The following GATA5 variants were observed in gnomAD, a reference collection of about 807,000 sequenced individuals.
The protein encoded by GATA5 is transcription factor GATA-5.
GATA5 carries 27 observed loss-of-function variants against 35.0 expected under a neutral mutation model. The observed-to-expected ratio is 0.77, with a 90% CI of 0.57 to 1.06. The LOEUF is 1.06. GATA5 is among the 50% of genes least tolerant of loss of function. The pLI is 0.00. For synonymous variants in GATA5, 306 were observed against 267.8 expected (o/e 1.14, Z -1.39); for missense variants, 612 against 580.0 (o/e 1.06, Z -0.57).
intron 5 of GATA5, 72 bp from the exon 6 acceptor site, chr20:62,465,536 G>A (rs1182258313): frequency 3.9e-6 from 6 of 1,542,596 alleles, no homozygotes; most frequent in African/African-American, 1.4e-5. Flanking sequence ...CATGTAGCGG[G>A]TCTCCTCTGG....
chr20:62,465,202 A>G, intron 6 of GATA5, 138 bp downstream of exon 6: 1 of 1,046,266 alleles, frequency 9.6e-7, no homozygotes, highest in African/African-American at 1.6e-5. Context: ...AAGGGCCACC[A>G]TACTGATGGC....
chr20:62,464,668 C>T lies in GATA5; in HGVS notation c.*168G>A. 1.8e-6 allele frequency: 1 copy of T among 550,034 alleles called. No homozygotes were observed. 34.1% of individuals were successfully genotyped at this position (550,034 alleles called of 1,614,324 possible). A position where few individuals can be genotyped will look rare whatever the true frequency, so the allele number is the denominator to read the frequency against. ...GCCTTCTTGCTCTGGGGCCCGACTG[C>T]CGTCTGTCCAGAAGGCCTCCCCACC... On this transcript the variant is annotated 3_prime_UTR_variant, in exon 7 of 7. Transcript: ENST00000252997.
chr20:62,473,061 C>T (rs1989760456), intron 3 of GATA5, among the ~76,000 whole-genome samples: 1 of 152,206 alleles, frequency 6.6e-6, no homozygotes, highest in African/African-American at 2.4e-5. Flanking sequence ...GGGCTGAGCT[C>T]CTGGCTCCTG....
At position 62,475,487 on chromosome 20, in the gene GATA5, C is replaced by T. The variant is rs782050292; in HGVS notation, c.35G>A (p.Arg12His). The T allele has an allele frequency of 2.3e-6, 3 of 1,320,566 alleles. No homozygotes were observed. The highest frequency in any genetic ancestry group is 4.6e-5 in the South Asian group (2 of 43,116). The allele number at this position is 1,320,566 out of a possible 1,614,324, so 81.8% of individuals were successfully genotyped here. A position where few individuals can be genotyped will look rare whatever the true frequency, so the allele number is the denominator to read the frequency against. Reference protein sequence around the residue: ...YQSLALAASPRQAAYADSGSF... With the variant: ...YQSLALAASPHQAAYADSGSF... Reference sequence around the variant, plus strand: ...GCCCGAGTCGGCGTAGGCGGCCTGGCGGGGGCTCGCGGCCAGCGCCAGGCT... The same window carrying T: ...GCCCGAGTCGGCGTAGGCGGCCTGGTGGGGGCTCGCGGCCAGCGCCAGGCT... Residue 12 changes from arginine to histidine, a missense_variant, in exon 2 of 7, where the codon CGC (arginine) becomes CAC (histidine). Coordinates refer to ENST00000252997, the MANE Select transcript of GATA5 (RefSeq NM_080473.5).
At position 62,475,031 on chromosome 20, in the gene GATA5, A is replaced by G; in HGVS notation, c.491T>C (p.Leu164Pro). The G allele has an allele frequency of 7.2e-7, 1 of 1,395,388 alleles. No homozygotes were observed. The highest frequency in any genetic ancestry group is 9.3e-7 in the Non-Finnish European group (1 of 1,069,822). The allele number at this position is 1,395,388 out of a possible 1,614,324, so 86.4% of individuals were successfully genotyped here. The change falls in exon 2 of 7, where the codon CTG becomes CCG. Residue 164 changes from leucine to proline, a missense_variant. Transcript: ENST00000252997. ...GGGCCTGCGGCCTGGGAGGCCGTGC[A>G]GGACGCTGCCATCGAAGGGCCCGGC... is the stretch of plus-strand genomic sequence containing the variant. The part of the protein sequence containing the change: ...WTAGPFDGSV[L>P]HGLPGRRPTF...
chr20:62,469,375 T>G (rs1555896357), intron 3 of GATA5, among the ~76,000 whole-genome samples: 1 of 152,208 alleles, frequency 6.6e-6, no homozygotes, highest in Non-Finnish European at 1.5e-5. Flanking sequence ...GCCTTCAGAC[T>G]GAGGGGCATC....
chr20:62,475,197 C>A lies in GATA5; in HGVS notation c.325G>T (p.Gly109Trp). The A allele has an allele frequency of 7.9e-7, 1 of 1,258,730 alleles. No homozygotes were observed. The allele number at this position is 1,258,730 out of a possible 1,614,324, so 78.0% of individuals were successfully genotyped here. The change falls in exon 2 of 7, where the codon GGG (glycine) becomes TGG (tryptophan). Residue 109 changes from glycine to tryptophan, a missense_variant. Coordinates refer to ENST00000252997, the MANE Select transcript of GATA5 (RefSeq NM_080473.5). Reference sequence around the variant, plus strand: ...TGGTAGGCACTGCCGTCTCGGCCCCCCGCGCTGCCGCCGCTGCCGGGCCCC... The same window carrying A: ...TGGTAGGCACTGCCGTCTCGGCCCCACGCGCTGCCGCCGCTGCCGGGCCCC... Reference protein sequence around the residue: ...PSGPGSGGSAGGRDGSAYQGA... With the variant: ...PSGPGSGGSAWGRDGSAYQGA...
rs1989853648 is a variant in GATA5, at chr20:62,475,981, G to T, written c.-73C>A. Reference sequence around the variant, plus strand: ...CGGCGGTGGCGGTGGGTCGGCGACCGGCGGGCCGAAGACTGGAAGCCCGGG... The same window carrying T: ...CGGCGGTGGCGGTGGGTCGGCGACCTGCGGGCCGAAGACTGGAAGCCCGGG... On this transcript the variant is annotated 5_prime_UTR_variant, in exon 1 of 7. Coordinates refer to ENST00000252997, the MANE Select transcript of GATA5 (RefSeq NM_080473.5). 6.6e-6 allele frequency: 1 copy of T among 151,328 alleles called. No homozygotes were observed. The highest frequency in any genetic ancestry group is 1.5e-5 in the Non-Finnish European group (1 of 67,784). 9.4% of individuals were successfully genotyped at this position (151,328 alleles called of 1,614,324 possible).
At position 62,465,459 on chromosome 20, in the gene GATA5, T is replaced by C; in HGVS notation, c.919A>G (p.Thr307Ala). 1 of 1,607,264 alleles carries C rather than the reference T, an allele frequency of 6.2e-7. No homozygotes were observed. Among genetic ancestry groups the C allele is most frequent in the East Asian group, 2.2e-5 (1 of 44,862 alleles). Residue 307 changes from threonine (T) to alanine (A), a missense_variant, in exon 6 of 7, where the codon ACA becomes GCA. Coordinates refer to ENST00000252997, the MANE Select transcript of GATA5 (RefSeq NM_080473.5). ...IAKARGSSGS[T>A]RNASASPSAV... is the part of the protein sequence containing the mutation. ...GATGGGGAGGCCGAGGCATTCCTTGTGGATCCTGGAAGCGAAGAGGGGGTG... is the reference window on the plus strand; with the variant it reads ...GATGGGGAGGCCGAGGCATTCCTTGCGGATCCTGGAAGCGAAGAGGGGGTG...
intron 6 of GATA5, 121 bp from the exon 7 acceptor site, chr20:62,465,112 G>A (rs1989547605): frequency 2.1e-6 from 2 of 946,788 alleles, no homozygotes; most frequent in Non-Finnish European, 3.1e-6. Flanking sequence ...GGGACCCCCT[G>A]ATGCCCTGGA....
Position 62,463,563 on chromosome 20 carries a change from G to T in GATA5, c.*1273C>A, listed in dbSNP as rs543710803. On this transcript the variant is annotated 3_prime_UTR_variant, in exon 7 of 7. Coordinates refer to ENST00000252997, the MANE Select transcript of GATA5 (RefSeq NM_080473.5). ...TGTCTCTTTTAGAAAAGATGACATC[G>T]CATAGAAGTGGGGCTGGAAGAACCT... The T allele has an allele frequency of 2.0e-5, 3 of 152,110 alleles. No homozygotes were observed. The highest frequency in any genetic ancestry group is 7.2e-5 in the African/African-American group (3 of 41,394). 9.4% of individuals were successfully genotyped at this position (152,110 alleles called of 1,614,324 possible). A position where few individuals can be genotyped will look rare whatever the true frequency, so the allele number is the denominator to read the frequency against.
intron 4 of GATA5, among the ~76,000 whole-genome samples, chr20:62,466,165 G>C (rs1298724949): frequency 6.6e-6 from 1 of 152,236 alleles, no homozygotes; most frequent in East Asian, 1.9e-4. Flanking sequence ...CAGAGGGCAG[G>C]AGCAGTGTCC....
chr20:62,464,609 A>C lies in GATA5; in HGVS notation c.*227T>G. ...CCGCACCTGGGGAGTCCCTTGCTGTACGTGGGGTGGGAAGCTGAGCCCTTC... is the reference window on the plus strand; with the variant it reads ...CCGCACCTGGGGAGTCCCTTGCTGTCCGTGGGGTGGGAAGCTGAGCCCTTC... On this transcript the variant is annotated 3_prime_UTR_variant, in exon 7 of 7. Transcript: ENST00000252997. The C allele has an allele frequency of 2.3e-6, 1 of 436,084 alleles. No homozygotes were observed. The highest frequency in any genetic ancestry group is 4.0e-6 in the Non-Finnish European group (1 of 248,982). 27.0% of individuals were successfully genotyped at this position (436,084 alleles called of 1,614,324 possible). A position where few individuals can be genotyped will look rare whatever the true frequency, so the allele number is the denominator to read the frequency against.
chr20:62,472,108 G>T (rs77315446), intron 3 of GATA5, among the ~76,000 whole-genome samples: 3,764 of 152,126 alleles, frequency 0.025, 162 homozygotes, highest in African/African-American at 0.085. Context: ...CGCCAGGCTG[G>T]AACAGCACAC....
At chr20:62,469,404 C>A (rs1300181603) in intron 3 of GATA5, among the ~76,000 whole-genome samples, 2 of 152,258 alleles carry the variant, frequency 1.3e-5, no homozygotes, top group African/African-American at 2.4e-5. Flanking sequence ...AAGGCCCATC[C>A]TCTTCCCTGA....
rs868917600 is a variant in GATA5 at position 62,470,399 on chromosome 20, C to T, written c.699+3004G>A. ...TGCCGCAGAGTCTGAGCCTTGGGGA[C>T]GGGTGAGTGGCTGGAATGTCTCCAA... On this transcript the variant is annotated intron_variant, in intron 3 of 6. Transcript: ENST00000252997. This position sits in a 1 kb window ranked among gnomAD's most constrained non-coding sequence, Gnocchi z 4.6. 1.4e-4 allele frequency among the ~76,000 whole-genome samples: 21 copies of T among 152,324 alleles called. No individual in the cohort carries two copies. The highest frequency in any genetic ancestry group is 1.4e-3 in the East Asian group (7 of 5,182).
At position 62,473,289 on chromosome 20, in the gene GATA5, T is replaced by G. The variant is rs1989765464; in HGVS notation, c.699+114A>C. 1.3e-5 allele frequency: 16 copies of G among 1,235,490 alleles called. No individual in the cohort carries two copies. In the South Asian group the frequency reaches 1.9e-4, roughly 15 times the overall value. 76.5% of individuals were successfully genotyped at this position (1,235,490 alleles called of 1,614,324 possible). On this transcript the variant is annotated intron_variant, in intron 3 of 6. Transcript: ENST00000252997. Reference sequence around the variant, plus strand: ...CCGGGGCGGGCACCCAGGCTGTTTTTGGGACACTCCCTACCCCCTACCCCA... The same window carrying G: ...CCGGGGCGGGCACCCAGGCTGTTTTGGGGACACTCCCTACCCCCTACCCCA...
intron 4 of GATA5, 80 bp downstream of exon 4, chr20:62,466,346 T>C: frequency 1.4e-6 from 2 of 1,449,854 alleles, no homozygotes; most frequent in South Asian, 1.3e-5. Context: ...CTCCCCAGCC[T>C]CTTGGTCTGA....
At chr20:62,465,124 TGGCATGGGGGACCCCACGTGA>T (rs1989548100) in intron 6 of GATA5, 133 bp from the exon 7 acceptor site, 1 of 903,416 alleles carries the variant, frequency 1.1e-6, no homozygotes, top group Non-Finnish European at 1.6e-6. Flanking sequence ...TGCCCTGGAA[TGGCATGGGGGACCCCACGTGA>T]GGCACTGGGG....
Sources: allele counts gnomAD v4.1 joint callset (sites outside exome capture counted in the v4.1 genomes callset), GRCh38; gene constraint gnomAD v4.1.1; non-coding constraint Gnocchi (gnomAD v3.1); transcripts MANE v1.5; gene names NCBI Gene and HGNC (gene_info 2026-07-23, HGNC 2026-07-21).